Variants in ESR1 observed in about 807,000 individuals in gnomAD.
The protein encoded by ESR1 is estrogen receptor.
Under a neutral mutation model 52.7 loss-of-function variants are expected in ESR1, and 12 were observed. The observed-to-expected ratio is 0.23, with a 90% CI of 0.15 to 0.37. The LOEUF (loss-of-function observed/expected upper bound fraction) is 0.37. Among genes scored for constraint, ESR1 ranks in the 10% least tolerant of loss-of-function variants. The pLI is 1.00. For synonymous variants in ESR1, 305 were observed against 316.8 expected (o/e 0.96, Z 0.39); for missense variants, 584 against 779.7 (o/e 0.75, Z 2.99).
chr6:151,807,750 G>A lies in ESR1; in HGVS notation c.-163G>A, dbSNP rs1320794445. The A allele has an allele frequency of 2.9e-5, 21 of 735,498 alleles. No homozygotes were observed. Among genetic ancestry groups the A allele is most frequent in the Non-Finnish European group, 2.1e-5 (9 of 428,708 alleles). The allele number at this position is 735,498 out of a possible 1,614,324, so 45.6% of individuals were successfully genotyped here. A position where few individuals can be genotyped will look rare whatever the true frequency, so the allele number is the denominator to read the frequency against. On this transcript the variant is annotated 5_prime_UTR_variant, in exon 1 of 8. Transcript: ENST00000206249. ...CGGGTCGCCCGGCTTCACCGGACCC[G>A]CAGGCTCCCGGGGCAGGGCCGGGGC...
At chr6:151,659,864 G>A (rs1777580182) in intron 1 of ESR1, among the ~76,000 whole-genome samples, 1 of 152,054 alleles carries the variant, frequency 6.6e-6, no homozygotes, top group African/African-American at 2.4e-5. Context: ...AAATTAAGGG[G>A]GCAAAATGTA....
chr6:151,685,324 G>A lies in ESR1; in HGVS notation n.74-16551G>A, dbSNP rs1324125534. On this transcript the variant is annotated intron_variant and non_coding_transcript_variant, in intron 1 of 2. Coordinates refer to the ESR1 transcript ENST00000473497. ...AATTTTTTGTATTTTTAGTAGAGAC[G>A]GGGTTTCACCTTGTTAGCCAGGATG... Among the ~76,000 whole-genome samples the A allele has an allele frequency of 5.3e-5, 8 of 150,922 alleles. No homozygotes were observed. In the East Asian group the frequency reaches 7.8e-4, roughly 15 times the overall value.
At chr6:152,042,149 C>A (rs1343627492) in intron 5 of ESR1, among the ~76,000 whole-genome samples, 1 of 152,192 alleles carries the variant, frequency 6.6e-6, no homozygotes, top group Non-Finnish European at 1.5e-5. Flanking sequence ...TAGGTAGAGG[C>A]AGCTGTAATG....
In ESR1 at chr6:152,128,509, C is replaced by T. The variant is rs2054291731; in HGVS notation, c.*3161C>T. On this transcript the variant is annotated 3_prime_UTR_variant, in exon 7 of 7. Coordinates refer to the ESR1 transcript ENST00000427531. The stretch of plus-strand genomic sequence containing the variant: ...ACTGTATGAAGATACAGAATCACCA[C>T]CATCAAATCAAATTGAAATATGTAA... The T allele has an allele frequency of 7.2e-5, 11 of 152,294 alleles. No homozygotes were observed. The South Asian group carries it at 2.1e-3, about 29-fold the overall frequency. The allele number at this position is 152,294 out of a possible 1,614,324, so 9.4% of individuals were successfully genotyped here. A position where few individuals can be genotyped will look rare whatever the true frequency, so the allele number is the denominator to read the frequency against.
At chr6:151,945,104 G>T (rs1404306479) in intron 4 of ESR1, among the ~76,000 whole-genome samples, 4 of 152,132 alleles carry the variant, frequency 2.6e-5, no homozygotes, top group African/African-American at 9.7e-5. Flanking sequence ...TGTGGTCCCA[G>T]TTATGGGGGA....
intron 2 of ESR1, among the ~76,000 whole-genome samples, chr6:151,871,183 T>C (rs555455684): frequency 1.3e-5 from 2 of 151,970 alleles, no homozygotes; most frequent in East Asian, 3.9e-4. Flanking sequence ...AACTATACAA[T>C]TCATCCATGA....
At chr6:151,929,504 G>A (rs2033265479) in intron 3 of ESR1, among the ~76,000 whole-genome samples, 1 of 152,058 alleles carries the variant, frequency 6.6e-6, no homozygotes, top group Non-Finnish European at 1.5e-5. Context: ...AAAGTATTTT[G>A]CATGCTGGGC....
At chr6:151,983,633 T>C (rs563968263) in intron 4 of ESR1, 255 of 152,272 alleles carry the variant, frequency 1.7e-3, no homozygotes, top group African/African-American at 5.8e-3. Context: ...CTCATCTTAT[T>C]GCCTATGATT....
chr6:151,766,519 A>T (rs1188960154), intron 2 of ESR1, among the ~76,000 whole-genome samples: 1 of 152,136 alleles, frequency 6.6e-6, no homozygotes, highest in East Asian at 1.9e-4. Context: ...AAAAACAAAT[A>T]AAAATCACAC....
upstream of ESR1, among the ~76,000 whole-genome samples, chr6:151,686,448 G>A (rs1778679115): frequency 6.6e-6 from 1 of 152,140 alleles, no homozygotes; most frequent in African/African-American, 2.4e-5. Flanking sequence ...CATTTTGGGA[G>A]GCCGAGGCGG....
chr6:152,019,242 C>CCTGAA (rs537549216), intron 5 of ESR1, among the ~76,000 whole-genome samples: 22 of 152,144 alleles, frequency 1.4e-4, no homozygotes, highest in Non-Finnish European at 2.8e-4. Context: ...TTCAATGATA[C>CCTGAA]CTGAACTATA....
intron 4 of ESR1, among the ~76,000 whole-genome samples, chr6:151,948,122 G>C (rs1460744379): frequency 6.6e-6 from 1 of 152,118 alleles, no homozygotes; most frequent in African/African-American, 2.4e-5. Flanking sequence ...ATGACTGCAA[G>C]AGTGGTTGTA....
At chr6:151,678,138 T>C (rs368349404) in intron 1 of ESR1, among the ~76,000 whole-genome samples, 62 of 152,234 alleles carry the variant, frequency 4.1e-4, no homozygotes, top group Admixed American at 1.2e-3. Flanking sequence ...TGCTTTTCAA[T>C]TCTCCTTGCA....
At chr6:152,047,956 A>ATTTTTT (rs71017517) in intron 5 of ESR1, among the ~76,000 whole-genome samples, 1 of 67,780 alleles carries the variant, frequency 1.5e-5, no homozygotes, top group Non-Finnish European at 2.8e-5. Context: ...CTCCTCAAGC[A>ATTTTTT]TTTTTTTTTT....
intron 6 of ESR1, among the ~76,000 whole-genome samples, chr6:152,111,446 G>A (rs550390590): frequency 5.9e-5 from 9 of 152,356 alleles, no homozygotes; most frequent in African/African-American, 1.7e-4. Flanking sequence ...CCCAGATTCA[G>A]TGCGCTGCTA....
intron 2 of ESR1, among the ~76,000 whole-genome samples, chr6:151,846,365 C>T (rs990296844): frequency 1.3e-5 from 2 of 152,152 alleles, no homozygotes; most frequent in African/African-American, 2.4e-5. Flanking sequence ...GGAAATACCA[C>T]AACAAGTTTA....
At chr6:151,775,024 T>C (rs1477451560) in intron 2 of ESR1, among the ~76,000 whole-genome samples, 1 of 152,218 alleles carries the variant, frequency 6.6e-6, no homozygotes, top group Admixed American at 6.5e-5. Context: ...TAGTCCAATA[T>C]AGCCCTTTGA....
At chr6:151,910,089 A>G (rs1172879124) in intron 3 of ESR1, among the ~76,000 whole-genome samples, 2 of 151,618 alleles carry the variant, frequency 1.3e-5, no homozygotes, top group Non-Finnish European at 2.9e-5. Flanking sequence ...CCAGAAGGAT[A>G]TACTATGTAT....
chr6:151,743,388 T>C (rs1230185659), intron 2 of ESR1, among the ~76,000 whole-genome samples: 1 of 152,214 alleles, frequency 6.6e-6, no homozygotes, highest in African/African-American at 2.4e-5. Context: ...AAGAGCCATT[T>C]GTTGGAAAGT....
Sources: allele counts gnomAD v4.1 joint callset (sites outside exome capture counted in the v4.1 genomes callset), GRCh38; gene constraint gnomAD v4.1.1; transcripts MANE v1.5; gene names NCBI Gene and HGNC (gene_info 2026-07-23, HGNC 2026-07-21).